AKAP13: variants seen among roughly 807,000 people sequenced by gnomAD.
The protein encoded by AKAP13 is A-kinase anchoring protein 13.
Under a neutral mutation model 264.5 loss-of-function variants are expected in AKAP13, and 80 were observed. That is an observed-to-expected ratio of 0.30 (90% CI 0.25 to 0.36). The LOEUF is 0.36. Among genes scored for constraint, AKAP13 ranks in the 10% least tolerant of loss-of-function variants. The pLI, the probability that AKAP13 is intolerant of heterozygous loss-of-function variation, is 1.00. For missense variants in AKAP13, 3,712 were observed against 3,435.2 expected (o/e 1.08, Z -2.01); for synonymous variants, 1,380 against 1,250.2 (o/e 1.10, Z -2.19).
chr15:85,550,814 A>G (rs904305818), intron 5 of AKAP13, among the ~76,000 whole-genome samples: 7 of 152,158 alleles, frequency 4.6e-5, no homozygotes, highest in Non-Finnish European at 1.0e-4. Flanking sequence ...TTCCTTTGTC[A>G]TTGTGTGATC....
chr15:85,437,057 A>G (rs1209812285), intron 1 of AKAP13, among the ~76,000 whole-genome samples: 90 of 146,982 alleles, frequency 6.1e-4, no homozygotes, highest in African/African-American at 2.1e-3. Context: ...GATCAACAAA[A>G]TTGATAGACC....
At chr15:85,500,713 T>A (rs549236287) in intron 2 of AKAP13, among the ~76,000 whole-genome samples, 1 of 152,300 alleles carries the variant, frequency 6.6e-6, no homozygotes, top group South Asian at 2.1e-4. Flanking sequence ...GATCCTTTTA[T>A]GTGGGGGCTG....
intron 4 of AKAP13, among the ~76,000 whole-genome samples, chr15:85,538,267 T>A (rs1386073747): frequency 6.6e-6 from 1 of 152,098 alleles, no homozygotes; most frequent in Non-Finnish European, 1.5e-5. Context: ...TGATATTGTA[T>A]AACCAAGTGA....
chr15:85,604,975 T>C (rs1025837423), intron 8 of AKAP13, among the ~76,000 whole-genome samples: 1 of 152,144 alleles, frequency 6.6e-6, no homozygotes, highest in Non-Finnish European at 1.5e-5. Context: ...TAATAATCTA[T>C]AGATGGCTAG....
At chr15:85,543,995 C>T (rs1419360502) in intron 5 of AKAP13, 40 bp downstream of exon 5, 8 of 1,606,240 alleles carry the variant, frequency 5.0e-6, no homozygotes, top group South Asian at 3.3e-5. Flanking sequence ...CTCTCATCCC[C>T]AGCCCCACCC....
Position 85,727,039 on chromosome 15 carries a change from T to C in AKAP13, c.6823-27T>C, listed in dbSNP as rs553326394. ...GAGTTAGAATATTGTATATGTATCT[T>C]TTATTTGCCCTCTTCCCTTTTTCCA... On this transcript the variant is annotated intron_variant, in intron 27 of 36. Coordinates refer to ENST00000394518, the MANE Select transcript of AKAP13 (RefSeq NM_007200.5). This position sits in a 1 kb window ranked among gnomAD's most constrained non-coding sequence, Gnocchi z 5.3. The C allele has an allele frequency of 2.2e-4, 360 of 1,613,218 alleles. 1 individual carries two copies. Among genetic ancestry groups the C allele is most frequent in the Middle Eastern group, 3.3e-4 (2 of 6,062 alleles).
At chr15:85,584,987 T>G (rs932483111) in intron 7 of AKAP13, among the ~76,000 whole-genome samples, 1 of 152,240 alleles carries the variant, frequency 6.6e-6, no homozygotes, top group African/African-American at 2.4e-5. Context: ...TGTATTTGCT[T>G]GACCATGTGG....
chr15:85,569,579 A>G (rs1206757405), intron 5 of AKAP13, among the ~76,000 whole-genome samples: 4 of 150,100 alleles, frequency 2.7e-5, no homozygotes, highest in Non-Finnish European at 5.9e-5. Context: ...TAGCCTCCCG[A>G]GTTGCTGGGA....
chr15:85,641,916 C>T (rs402187), intron 9 of AKAP13, among the ~76,000 whole-genome samples: 9,531 of 152,200 alleles, frequency 0.063, 641 homozygotes, highest in East Asian at 0.36. Flanking sequence ...CCTGCCCTTC[C>T]CCAACAACAG....
chr15:85,709,713 A>G (rs1338615606), intron 18 of AKAP13, among the ~76,000 whole-genome samples: 1 of 121,342 alleles, frequency 8.2e-6, no homozygotes, highest in Admixed American at 7.8e-5. Flanking sequence ...TTAGAGACAG[A>G]GTCTCACTGT....
chr15:85,736,813 T>C (rs532285540), intron 33 of AKAP13, among the ~76,000 whole-genome samples: 23 of 152,196 alleles, frequency 1.5e-4, no homozygotes, highest in African/African-American at 5.1e-4. Flanking sequence ...ATCACAAGCC[T>C]GATACTAAGA....
Position 85,744,769 on chromosome 15 carries a change from C to T in AKAP13, c.*92C>T, listed in dbSNP as rs1186665188. The T allele has an allele frequency of 1.7e-5, 21 of 1,218,640 alleles. 2 individuals carry two copies. In the South Asian group the frequency reaches 2.5e-4, roughly 15 times the overall value. 75.5% of individuals were successfully genotyped at this position (1,218,640 alleles called of 1,614,324 possible). ...GCGTGCACAAGTCTCTTACACTGGACGCCCACTGCTCCTCAGCGTCCAGTC... is the reference window on the plus strand; with the variant it reads ...GCGTGCACAAGTCTCTTACACTGGATGCCCACTGCTCCTCAGCGTCCAGTC... On this transcript the variant is annotated 3_prime_UTR_variant, in exon 37 of 37. Transcript: ENST00000394518.
intron 1 of AKAP13, among the ~76,000 whole-genome samples, chr15:85,472,285 T>A (rs1020881901): frequency 4.6e-5 from 7 of 150,554 alleles, no homozygotes; most frequent in African/African-American, 1.7e-4. Flanking sequence ...GGCAGGAGGA[T>A]CACTTGAGCC....
intron 5 of AKAP13, chr15:85,544,226 A>G (rs2077660052): frequency 9.0e-6 from 5 of 556,966 alleles, no homozygotes; most frequent in Middle Eastern, 2.8e-4. Flanking sequence ...TATTTTACTC[A>G]AAAGTCAGAA....
At position 85,722,302 on chromosome 15, in the gene AKAP13, A is replaced by G; in HGVS notation, c.6451A>G (p.Thr2151Ala). The G allele has an allele frequency of 1.2e-6, 2 of 1,613,696 alleles. No individual in the cohort carries two copies. Among genetic ancestry groups the G allele is most frequent in the Non-Finnish European group, 1.7e-6 (2 of 1,179,826 alleles). Residue 2151 changes from threonine (T) to alanine (A), a missense_variant, in exon 25 of 37, where the codon ACC (threonine) becomes GCC (alanine). Physicochemically the swap from Thr to Ala is moderately conservative, Grantham distance 58 (BLOSUM62 0). Around this residue, in one of 3 missense-constraint regions of AKAP13, gnomAD observed 342 missense variants for 484.3 expected, o/e 0.71. Coordinates refer to ENST00000394518, the MANE Select transcript of AKAP13 (RefSeq NM_007200.5). The stretch of plus-strand genomic sequence containing the variant: ...CATATTGCTTGTAACTCAGCGGATT[A>G]CCAAGTACCCAGTTTTATTCCAAAG... ...ECILLVTQRI[T>A]KYPVLFQRIL...
chr15:85,515,677 C>T lies in AKAP13; in HGVS notation c.34-5751C>T, dbSNP rs960309943. ...ATGACATTTTCTGAAGAGTTACAGACCATTTTTTTACATAGATGCCCCTTC... is the reference window on the plus strand; with the variant it reads ...ATGACATTTTCTGAAGAGTTACAGATCATTTTTTTACATAGATGCCCCTTC... On this transcript the variant is annotated intron_variant, in intron 2 of 36. Coordinates refer to ENST00000394518, the MANE Select transcript of AKAP13 (RefSeq NM_007200.5). Among the ~76,000 whole-genome samples the T allele has an allele frequency of 6.5e-5, 9 of 138,198 alleles. 2 individuals are homozygous for T. Among genetic ancestry groups the T allele is most frequent in the Admixed American group, 5.8e-4 (8 of 13,772 alleles). The allele number at this position is 138,198 out of a possible 152,430, so 90.7% of individuals were successfully genotyped here.
intron 5 of AKAP13, among the ~76,000 whole-genome samples, chr15:85,566,413 A>C (rs1367994852): frequency 2.0e-5 from 3 of 152,192 alleles, no homozygotes; most frequent in Non-Finnish European, 4.4e-5. Context: ...AACTTCAGTA[A>C]GCCAAACTGT....
chr15:85,582,948 C>G (rs1322339829), intron 7 of AKAP13: 3 of 985,308 alleles, frequency 3.0e-6, no homozygotes, highest in Middle Eastern at 5.2e-4. Context: ...TAACCATGTT[C>G]CGAGGCAGCA....
At chr15:85,480,017 C>CT (rs1406699049) in intron 1 of AKAP13, among the ~76,000 whole-genome samples, 1 of 152,112 alleles carries the variant, frequency 6.6e-6, no homozygotes, top group Non-Finnish European at 1.5e-5. Flanking sequence ...TGACAAGGGA[C>CT]TTTAAAACAG....
Sources: allele counts gnomAD v4.1 joint callset (sites outside exome capture counted in the v4.1 genomes callset), GRCh38; gene constraint gnomAD v4.1.1; regional missense constraint gnomAD v4.1.1; non-coding constraint Gnocchi (gnomAD v3.1); transcripts MANE v1.5; gene names NCBI Gene and HGNC (gene_info 2026-07-23, HGNC 2026-07-21).